The following STIM2 variants were observed in gnomAD, a reference collection of about 807,000 sequenced individuals.
The protein encoded by STIM2 is stromal interaction molecule 2.
Under a neutral mutation model 85.8 loss-of-function variants are expected in STIM2, and 31 were observed. The ratio of observed to expected loss-of-function variants is 0.36; its 90% confidence interval spans 0.27 to 0.49. The LOEUF (loss-of-function observed/expected upper bound fraction) is 0.49, where lower values mean the gene tolerates loss of function less well. STIM2 is among the 20% of genes least tolerant of loss of function. The pLI is 0.98. For missense variants in STIM2, 841 were observed against 927.6 expected (o/e 0.91, Z 1.21); for synonymous variants, 356 against 331.1 (o/e 1.08, Z -0.82).
intron 4 of STIM2, among the ~76,000 whole-genome samples, chr4:26,996,359 T>C (rs1391047091): frequency 1.3e-5 from 2 of 152,076 alleles, no homozygotes; most frequent in African/African-American, 4.8e-5. Context: ...AGTTTTATTT[T>C]TCCCTGGATG....
At position 27,017,823 on chromosome 4, in the gene STIM2, C is replaced by G. The variant is rs150222188; in HGVS notation, c.1602C>G (p.His534Gln). 4.0e-5 allele frequency: 64 copies of G among 1,614,028 alleles called. No individual in the cohort carries two copies. The highest frequency in any genetic ancestry group is 5.3e-5 in the Non-Finnish European group (62 of 1,180,034). The change falls in exon 11 of 12, where the codon CAC becomes CAG. Residue 534 changes from histidine (H) to glutamine (Q), a missense_variant. Around this residue, in one of 3 missense-constraint regions of STIM2, gnomAD observed 293 missense variants for 284.5 expected, o/e 1.03. Transcript: ENST00000467087. ...CTCAGCGAGCTCAGCTTGCTCCACA[C>G]GCCCCCCACCCGTCACACCCTCGGC...
At chr4:26,897,561 CTT>C (rs1271028849) in intron 1 of STIM2, among the ~76,000 whole-genome samples, 1 of 152,034 alleles carries the variant, frequency 6.6e-6, no homozygotes, top group African/African-American at 2.4e-5. Flanking sequence ...CGTTTTTGCT[CTT>C]TTGTTTCTTT....
At chr4:26,885,138 G>T (rs951720196) in intron 1 of STIM2, among the ~76,000 whole-genome samples, 1 of 151,330 alleles carries the variant, frequency 6.6e-6, no homozygotes, top group African/African-American at 2.4e-5. Context: ...GTTGATTTGT[G>T]TTCCACTGTT....
chr4:26,983,892 T>G (rs1727489143), intron 3 of STIM2, among the ~76,000 whole-genome samples: 1 of 152,202 alleles, frequency 6.6e-6, no homozygotes, highest in Non-Finnish European at 1.5e-5. Flanking sequence ...ATTTGCTGCA[T>G]GAAGGAATTC....
chr4:26,886,956 G>A (rs923544726), intron 1 of STIM2, among the ~76,000 whole-genome samples: 2 of 152,142 alleles, frequency 1.3e-5, no homozygotes, highest in Non-Finnish European at 2.9e-5. Flanking sequence ...GGTGGTAATA[G>A]GTGGTATAGG....
intron 3 of STIM2, among the ~76,000 whole-genome samples, chr4:26,975,060 G>A (rs2109108107): frequency 6.6e-6 from 1 of 152,100 alleles, no homozygotes; most frequent in Admixed American, 6.5e-5. Flanking sequence ...GTGTCATGAA[G>A]TTCTCGTGCC....
At chr4:26,940,565 AC>A (rs1725573914) in intron 2 of STIM2, among the ~76,000 whole-genome samples, 1 of 152,004 alleles carries the variant, frequency 6.6e-6, no homozygotes, top group African/African-American at 2.4e-5. Flanking sequence ...TAGTGGTATC[AC>A]TGTTTTACCT....
At chr4:26,943,896 G>A (rs936052942) in intron 2 of STIM2, among the ~76,000 whole-genome samples, 9 of 151,990 alleles carry the variant, frequency 5.9e-5, no homozygotes, top group Admixed American at 5.9e-4. Flanking sequence ...GTCAGGATAA[G>A]AATACTAATG....
At chr4:26,974,709 T>C (rs1727113064) in intron 3 of STIM2, among the ~76,000 whole-genome samples, 2 of 152,204 alleles carry the variant, frequency 1.3e-5, no homozygotes, top group Non-Finnish European at 2.9e-5. Flanking sequence ...CTGACAATTA[T>C]GCGTCTTGGT....
intron 1 of STIM2, among the ~76,000 whole-genome samples, chr4:26,893,548 C>A (rs1202822148): frequency 1.3e-5 from 2 of 152,270 alleles, no homozygotes; most frequent in Admixed American, 1.3e-4. Context: ...AGTTTATCCA[C>A]TTTTCTTATG....
intron 7 of STIM2, among the ~76,000 whole-genome samples, chr4:27,005,789 G>GT (rs1250924610): frequency 2.0e-5 from 3 of 152,150 alleles, no homozygotes; most frequent in Non-Finnish European, 4.4e-5. Context: ...AAATATGTAA[G>GT]TAGTTTTTAT....
At chr4:27,021,783 C>T (rs1027353534) in intron 11 of STIM2, among the ~76,000 whole-genome samples, 1 of 151,964 alleles carries the variant, frequency 6.6e-6, no homozygotes, top group African/African-American at 2.4e-5. Flanking sequence ...GAGCAGGGGA[C>T]ATAATAAGGA....
intron 2 of STIM2, among the ~76,000 whole-genome samples, chr4:26,935,611 G>A (rs1445608060): frequency 6.6e-6 from 1 of 152,158 alleles, no homozygotes; most frequent in Non-Finnish European, 1.5e-5. Flanking sequence ...CAACCCTACT[G>A]AATCAGCAGC....
At chr4:27,017,245 CTG>C (rs755533301) in intron 10 of STIM2, among the ~76,000 whole-genome samples, 5 of 152,202 alleles carry the variant, frequency 3.3e-5, no homozygotes, top group Non-Finnish European at 7.3e-5. Flanking sequence ...AGCTGTGAGA[CTG>C]TGCATACAGT....
intron 1 of STIM2, among the ~76,000 whole-genome samples, chr4:26,862,603 T>C (rs915775059): frequency 7.2e-5 from 11 of 152,216 alleles, no homozygotes; most frequent in African/African-American, 2.7e-4. Flanking sequence ...TTGGAGGATG[T>C]AGAGTATAGA....
intron 2 of STIM2, among the ~76,000 whole-genome samples, chr4:26,936,214 G>A (rs1418550081): frequency 6.6e-6 from 1 of 152,194 alleles, no homozygotes; most frequent in Non-Finnish European, 1.5e-5. Flanking sequence ...CCTGGTCCCA[G>A]CATTTATTTA....
At chr4:26,861,737 A>C (rs1722210544) in intron 1 of STIM2, 1 of 152,962 alleles carries the variant, frequency 6.5e-6, no homozygotes, top group South Asian at 2.1e-4. Flanking sequence ...AGAAAAAGTC[A>C]GCAGCAGCAT....
At position 27,022,911 on chromosome 4, in the gene STIM2, G is replaced by T; in HGVS notation, c.2156G>T (p.Ser719Ile). Residue 719 changes from serine to isoleucine, a missense_variant, in exon 12 of 12, where the codon AGC (serine) becomes ATC (isoleucine). Transcript: ENST00000467087. ...GCCCCAAGTGTTGCCAGAATAAGCA[G>T]CATCCCACATGACCTTTGTCATAAT... The T allele has an allele frequency of 6.2e-7, 1 of 1,614,186 alleles. No homozygotes were observed. The highest frequency in any genetic ancestry group is 8.5e-7 in the Non-Finnish European group (1 of 1,180,028).
chr4:27,018,106 A>T, intron 11 of STIM2, 122 bp downstream of exon 11: 1 of 1,406,164 alleles, frequency 7.1e-7, no homozygotes, highest in Non-Finnish European at 9.8e-7. Context: ...GGTACCACAG[A>T]CTTTGCAGCC....
Sources: allele counts gnomAD v4.1 joint callset (sites outside exome capture counted in the v4.1 genomes callset), GRCh38; gene constraint gnomAD v4.1.1; regional missense constraint gnomAD v4.1.1; transcripts MANE v1.5; gene names NCBI Gene and HGNC (gene_info 2026-07-23, HGNC 2026-07-21).